Variants in MYO18A observed in about 807,000 individuals in gnomAD.
MYO18A encodes the protein unconventional myosin-XVIIIa.
In MYO18A, 78 loss-of-function variants were observed where a neutral mutation model predicts 235.8. The ratio of observed to expected loss-of-function variants is 0.33; its 90% CI spans 0.28 to 0.40. The LOEUF is 0.40. Among genes scored for constraint, MYO18A ranks in the 10% least tolerant of loss-of-function variants. The pLI is 1.00. For synonymous variants in MYO18A, 977 were observed against 1,077.8 expected (o/e 0.91, Z 1.83); for missense variants, 2,215 against 2,699.3 (o/e 0.82, Z 3.98).
rs944448086 is a variant in MYO18A, at chr17:29,086,867, G to C, written c.5712+69C>G. 6.7e-6 allele frequency: 10 copies of C among 1,493,578 alleles called. No individual in the cohort carries two copies. In the African/African-American group the frequency reaches 1.3e-4, roughly 19 times the overall value. The allele number at this position is 1,493,578 out of a possible 1,614,324, so 92.5% of individuals were successfully genotyped here. Reference sequence around the variant, plus strand: ...GCACCCTATCCTCAACCAGGCCAGAGTGAGGCATACACTCAGCAGCTACTC... The same window carrying C: ...GCACCCTATCCTCAACCAGGCCAGACTGAGGCATACACTCAGCAGCTACTC... On this transcript the variant is annotated intron_variant, in intron 38 of 41. Transcript: ENST00000527372.
At chr17:29,084,378 A>T (rs2066198982) in intron 40 of MYO18A, among the ~76,000 whole-genome samples, 1 of 152,170 alleles carries the variant, frequency 6.6e-6, no homozygotes, top group Admixed American at 6.5e-5. Flanking sequence ...AGAACAGTGG[A>T]TGGGTTGCAA....
At chr17:29,179,566 G>A (rs1284648083) in intron 1 of MYO18A, among the ~76,000 whole-genome samples, 4 of 152,122 alleles carry the variant, frequency 2.6e-5, no homozygotes, top group African/African-American at 9.7e-5. Context: ...GCGTCGGGGC[G>A]GTCTCTCCAG....
chr17:29,094,588 G>C lies in MYO18A; in HGVS notation c.4710+62C>G, dbSNP rs915604514. ...ATCCTCTGGCCCATGCCTGAGGCTG[G>C]CTGTGGGGATGGTGGCGGCCTCGCT... is the stretch of plus-strand genomic sequence containing the variant. On this transcript the variant is annotated intron_variant, in intron 30 of 41. Transcript: ENST00000527372. 52 of 1,549,138 alleles carry C rather than the reference G, an allele frequency of 3.4e-5. No individual in the cohort carries two copies. The South Asian group carries it at 5.8e-4, about 17-fold the overall frequency.
At position 29,094,805 on chromosome 17, in the gene MYO18A, G is replaced by C. The variant is rs759211986; in HGVS notation, c.4555C>G (p.Leu1519Val). The C allele has an allele frequency of 1.2e-6, 2 of 1,613,928 alleles. No individual in the cohort carries two copies. Among genetic ancestry groups the C allele is most frequent in the African/African-American group, 1.3e-5 (1 of 74,946 alleles). The change falls in exon 30 of 42, where the codon CTA becomes GTA. Residue 1519 changes from leucine (L) to valine (V), a missense_variant. By Grantham distance (32) the Leu-to-Val change is conservative (BLOSUM62 1). Transcript: ENST00000527372. The part of the protein sequence containing the change: ...IAGFTQKVVS[L>V]EAELQDISSQ... ...GAAATGTCCTGGAGCTCTGCCTCTA[G>C]AGACACAACCTTCTGGGTGAACCCT... is the stretch of plus-strand genomic sequence containing the variant.
chr17:29,105,005 C>T (rs1482200745), intron 20 of MYO18A, among the ~76,000 whole-genome samples: 1 of 151,618 alleles, frequency 6.6e-6, no homozygotes, highest in Non-Finnish European at 1.5e-5. Flanking sequence ...ATGGTGAAAC[C>T]CCATCTCTAC....
chr17:29,075,230 C>A (rs1443808211), intron 41 of MYO18A: 1 of 274,896 alleles, frequency 3.6e-6, no homozygotes, highest in Non-Finnish European at 7.5e-6. Flanking sequence ...TTGGGTACAA[C>A]CCAGTAATTC....
rs1271189996 is a variant in MYO18A, at chr17:29,097,995, CAG to C, written c.3991-98_3991-97del. On this transcript the variant is annotated intron_variant, in intron 25 of 41. Coordinates refer to ENST00000527372, the MANE Select transcript of MYO18A (RefSeq NM_078471.4). ...TGATCACATGCTTACCAAGGGCAGACAGGGATGCTGGGCTAGGGGTGAAGATG... is the reference window on the plus strand; with the variant it reads ...TGATCACATGCTTACCAAGGGCAGACGGATGCTGGGCTAGGGGTGAAGATG... 7.0e-6 allele frequency: 11 copies of C among 1,573,300 alleles called. No homozygotes were observed. The East Asian group carries it at 2.0e-4, about 29-fold the overall frequency.
At chr17:29,136,143 C>T (rs1442437699) in intron 2 of MYO18A, among the ~76,000 whole-genome samples, 2 of 150,758 alleles carry the variant, frequency 1.3e-5, no homozygotes, top group African/African-American at 4.9e-5. Flanking sequence ...GTGGGAGGAT[C>T]GCTTGAGCCT....
rs1384703097 is a variant in MYO18A, at chr17:29,082,441, G to A, written c.5898-3C>T. 6.2e-7 allele frequency: 1 copy of A among 1,612,522 alleles called. No individual in the cohort carries two copies. On this transcript the variant is annotated splice_polypyrimidine_tract_variant and splice_region_variant and intron_variant, in intron 40 of 41. Transcript: ENST00000527372. The stretch of plus-strand genomic sequence containing the variant: ...AGTCCACATCAGAGTCTCCCTCACT[G>A]TAGGGATGAGGAGCAGAAAGGTAGA...
chr17:29,128,779 G>C (rs1298336383), intron 2 of MYO18A, among the ~76,000 whole-genome samples: 1 of 152,184 alleles, frequency 6.6e-6, no homozygotes, highest in African/African-American at 2.4e-5. Flanking sequence ...AGCACAATCA[G>C]GTACTACTGT....
At chr17:29,130,519 CACACACACAA>C (rs1430075096) in intron 2 of MYO18A, among the ~76,000 whole-genome samples, 17 of 124,326 alleles carry the variant, frequency 1.4e-4, no homozygotes, top group Non-Finnish European at 1.2e-4. Flanking sequence ...CACACACACA[CACACACACAA>C]CCCTTTCAAA....
chr17:29,091,844 A>T (rs1598285470), intron 34 of MYO18A: 2 of 335,936 alleles, frequency 6.0e-6, no homozygotes, highest in African/African-American at 4.3e-5. Context: ...GCCGCATCCC[A>T]GTAATGAATT....
chr17:29,165,472 C>T (rs1421290302), intron 2 of MYO18A: 1 of 155,632 alleles, frequency 6.4e-6, no homozygotes, highest in Non-Finnish European at 1.4e-5. Flanking sequence ...AGGGCTGAAA[C>T]TAAGGTTCAG....
chr17:29,096,359 T>C (rs1279391648), intron 28 of MYO18A, among the ~76,000 whole-genome samples: 1 of 152,162 alleles, frequency 6.6e-6, no homozygotes, highest in African/African-American at 2.4e-5. Flanking sequence ...GAGATGGAAG[T>C]GGCACGGTAG....
At chr17:29,089,738 A>G (rs1286233212) in intron 37 of MYO18A, among the ~76,000 whole-genome samples, 1 of 152,222 alleles carries the variant, frequency 6.6e-6, no homozygotes, top group African/African-American at 2.4e-5. Flanking sequence ...CTTGGCAGAA[A>G]GCAAGCACGG....
intron 38 of MYO18A, 38 bp from the exon 39 acceptor site, chr17:29,086,615 A>T (rs752593544): frequency 6.2e-7 from 1 of 1,605,722 alleles, no homozygotes; most frequent in Non-Finnish European, 8.5e-7. Context: ...CAGGAGGGCT[A>T]GCTTCTCCCC....
At chr17:29,077,960 C>T (rs1441025473) in intron 41 of MYO18A, 1 of 152,128 alleles carries the variant, frequency 6.6e-6, no homozygotes, top group African/African-American at 2.4e-5. Context: ...GGGTGTGGGG[C>T]ACTTAGCAGG....
chr17:29,124,596 G>A (rs1171272750), intron 2 of MYO18A: 17 of 1,216,808 alleles, frequency 1.4e-5, no homozygotes, highest in Non-Finnish European at 1.8e-5. Context: ...AGGCCAGTGG[G>A]GCTAGGTGGT....
rs767402109 is a variant in MYO18A at position 29,140,941 on chromosome 17, C to G, written c.1000-18688G>C. 3.9e-5 allele frequency among the ~76,000 whole-genome samples: 6 copies of G among 152,266 alleles called. No individual in the cohort carries two copies. Among genetic ancestry groups the G allele is most frequent in the Admixed American group, 1.3e-4 (2 of 15,292 alleles). On this transcript the variant is annotated intron_variant, in intron 2 of 41. Coordinates refer to ENST00000527372, the MANE Select transcript of MYO18A (RefSeq NM_078471.4). This position sits in a 1 kb window ranked among gnomAD's most constrained non-coding sequence, Gnocchi z 4.2. ...ACAGCCACTAACGTCACATCCAAGA[C>G]AGCACACGGGGCCCACTGCACACTG...
Sources: gnomAD v4.1 joint callset for allele counts (sites outside exome capture counted in the v4.1 genomes callset) on GRCh38, gnomAD v4.1.1 for gene constraint, Gnocchi (gnomAD v3.1) non-coding constraint, MANE v1.5 for transcripts, NCBI Gene and HGNC (gene_info 2026-07-23, HGNC 2026-07-21) for gene names.